The following ADAM22 variants were observed in gnomAD, a reference collection of about 807,000 sequenced individuals.
The protein encoded by ADAM22 is disintegrin and metalloproteinase domain-containing protein 22.
A neutral mutation model predicts 144.6 loss-of-function variants in ADAM22; 65 were observed. That is an observed-to-expected ratio of 0.45 (90% CI 0.37 to 0.55). ADAM22 has a LOEUF of 0.55. ADAM22 is among the 20% of genes least tolerant of loss of function. The pLI is 0.00. For missense variants in ADAM22, 974 were observed against 1,184.9 expected (o/e 0.82, Z 2.61); for synonymous variants, 391 against 412.6 (o/e 0.95, Z 0.63).
At chr7:88,136,828 T>C (rs1226982472) in intron 14 of ADAM22, among the ~76,000 whole-genome samples, 1 of 151,926 alleles carries the variant, frequency 6.6e-6, no homozygotes, top group Non-Finnish European at 1.5e-5. Context: ...AATAAAAAAA[T>C]TTGGAATGTT....
chr7:88,007,912 A>G (rs1364853724), intron 3 of ADAM22, among the ~76,000 whole-genome samples: 1 of 152,210 alleles, frequency 6.6e-6, no homozygotes, highest in East Asian at 1.9e-4. Flanking sequence ...ATCTAATTAA[A>G]CTAAAGAGCT....
At chr7:88,178,872 G>T (rs1446284708) in intron 26 of ADAM22, 63 bp from the exon 27 acceptor site, 4 of 1,000,950 alleles carry the variant, frequency 4.0e-6, no homozygotes, top group Non-Finnish European at 4.4e-6. Context: ...AATAATATTT[G>T]TATATGTCTG....
chr7:88,113,461 A>G (rs1034147500), intron 5 of ADAM22, among the ~76,000 whole-genome samples: 1 of 150,848 alleles, frequency 6.6e-6, no homozygotes, highest in Non-Finnish European at 1.5e-5. Context: ...CATGATCATT[A>G]TAAAACTTAA....
intron 3 of ADAM22, among the ~76,000 whole-genome samples, chr7:88,043,559 C>T (rs922378053): frequency 1.3e-5 from 2 of 151,158 alleles, no homozygotes; most frequent in African/African-American, 4.9e-5. Context: ...AAAATGTATG[C>T]TAGCCAGTCT....
intron 31 of ADAM22, 122 bp downstream of exon 31, chr7:88,193,361 C>A: frequency 8.2e-7 from 1 of 1,223,748 alleles, no homozygotes; most frequent in South Asian, 1.8e-5. Context: ...AAAAATCAAA[C>A]TTGAAAATAA....
At position 87,944,138 on chromosome 7, in the gene ADAM22, AT is replaced by A. The variant is rs113907480; in HGVS notation, c.246+8964del. ...AGTTGGTCAATTTCTATTCTGCTTT[AT>A]TTTTTTTTTTTCAATTTGCCTTTTA... On this transcript the variant is annotated intron_variant, in intron 2 of 31. Coordinates refer to ENST00000413139, the MANE Select transcript of ADAM22 (RefSeq NM_001324418.2). Among the ~76,000 whole-genome samples the A allele has an allele frequency of 5.3e-3, 725 of 137,748 alleles. 3 individuals are homozygous for A. The highest frequency in any genetic ancestry group is 9.7e-3 in the African/African-American group (365 of 37,584). 90.4% of individuals were successfully genotyped at this position (137,748 alleles called of 152,430 possible). A position where few individuals can be genotyped will look rare whatever the true frequency, so the allele number is the denominator to read the frequency against.
chr7:87,971,993 A>G (rs1020478537), intron 2 of ADAM22, among the ~76,000 whole-genome samples: 15 of 152,166 alleles, frequency 9.9e-5, no homozygotes, highest in Non-Finnish European at 2.1e-4. Flanking sequence ...GATCGAGACC[A>G]TCCTGGCTAA....
At chr7:88,113,703 A>ATATATATATATATATATAT (rs1554478728) in intron 5 of ADAM22, among the ~76,000 whole-genome samples, 5 of 48,106 alleles carry the variant, frequency 1.0e-4, no homozygotes, top group African/African-American at 1.6e-4. Flanking sequence ...TAAATAAATA[A>ATATATATATATATATATAT]ATATATATAT....
chr7:88,132,819 A>T, intron 11 of ADAM22, 48 bp from the exon 12 acceptor site: 2 of 1,464,008 alleles, frequency 1.4e-6, no homozygotes, highest in South Asian at 2.3e-5. Flanking sequence ...GGGTGCTATG[A>T]TGTTTGAACT....
At chr7:87,974,962 A>T (rs2129448131) in intron 2 of ADAM22, among the ~76,000 whole-genome samples, 1 of 152,154 alleles carries the variant, frequency 6.6e-6, no homozygotes, top group African/African-American at 2.4e-5. Flanking sequence ...ACTTATAAGG[A>T]CTCATGTAAT....
In ADAM22 at chr7:88,193,193, C is replaced by G; in HGVS notation, c.2828C>G (p.Pro943Arg). Reference protein sequence around the residue: ...ASSRKYPYPMPPLPDEDKKVN... With the variant: ...ASSRKYPYPMRPLPDEDKKVN... ...AGCAGAAAATACCCTTACCCAATGC[C>G]TCCACTTCCTGATGAGGACAAGAAA... The change falls in exon 31 of 32, where the codon CCT becomes CGT. Residue 943 changes from proline to arginine, a missense_variant. Physicochemically the swap from Pro to Arg is moderately radical, Grantham distance 103 (BLOSUM62 -2). This residue lies in a region of ADAM22 where 734 missense variants were observed against 950.6 expected (regional missense o/e 0.77). Transcript: ENST00000413139. 6.2e-7 allele frequency: 1 copy of G among 1,614,112 alleles called. No individual in the cohort carries two copies. The highest frequency in any genetic ancestry group is 8.5e-7 in the Non-Finnish European group (1 of 1,179,968).
chr7:88,036,842 C>A (rs1271010317), intron 3 of ADAM22, among the ~76,000 whole-genome samples: 1 of 151,972 alleles, frequency 6.6e-6, no homozygotes, highest in East Asian at 1.9e-4. Flanking sequence ...TGTAATCTTA[C>A]CATTTGAAGA....
At chr7:88,146,759 G>A (rs1836592497) in intron 17 of ADAM22, among the ~76,000 whole-genome samples, 1 of 152,202 alleles carries the variant, frequency 6.6e-6, no homozygotes, top group Non-Finnish European at 1.5e-5. Flanking sequence ...CACTTAGCCA[G>A]TAAGGAATAG....
In ADAM22 at chr7:88,181,557, A is replaced by G; in HGVS notation, c.2548A>G (p.Ile850Val). ...WSERIPDTKH[I>V]SDICENGRPR... The stretch of plus-strand genomic sequence containing the variant: ...TGAAAGGATTCCAGACACAAAACAT[A>G]TTTCAGACATCTGTGAAAATGGGCG... Residue 850 changes from isoleucine to valine, a missense_variant, in exon 28 of 32, where the codon ATT becomes GTT. Around this residue, in one of 2 missense-constraint regions of ADAM22, gnomAD observed 734 missense variants for 950.6 expected, o/e 0.77. Coordinates refer to ENST00000413139, the MANE Select transcript of ADAM22 (RefSeq NM_001324418.2). The G allele has an allele frequency of 1.9e-6, 3 of 1,613,898 alleles. No homozygotes were observed.
chr7:88,049,285 T>C (rs935048319), intron 3 of ADAM22, among the ~76,000 whole-genome samples: 1 of 152,226 alleles, frequency 6.6e-6, no homozygotes, highest in Non-Finnish European at 1.5e-5. Context: ...TTGAAGTCCA[T>C]GTAGGGTAAA....
chr7:87,948,145 C>T (rs192689846), intron 2 of ADAM22, among the ~76,000 whole-genome samples: 90 of 152,168 alleles, frequency 5.9e-4, no homozygotes, highest in African/African-American at 1.9e-3. Context: ...TTTTCTCATT[C>T]GGTATGACCC....
intron 2 of ADAM22, among the ~76,000 whole-genome samples, chr7:87,956,851 C>A (rs973798723): frequency 6.6e-6 from 1 of 152,130 alleles, no homozygotes; most frequent in African/African-American, 2.4e-5. Context: ...CATTCTTTGG[C>A]TATTTAAAAT....
intron 18 of ADAM22, among the ~76,000 whole-genome samples, chr7:88,150,353 C>T (rs149921122): frequency 6.6e-6 from 1 of 152,168 alleles, no homozygotes; most frequent in African/African-American, 2.4e-5. Flanking sequence ...GACAAAGAGG[C>T]AACATAATTG....
intron 3 of ADAM22, among the ~76,000 whole-genome samples, chr7:88,031,284 A>G (rs1381271749): frequency 6.6e-6 from 1 of 152,208 alleles, no homozygotes; most frequent in Non-Finnish European, 1.5e-5. Flanking sequence ...AAAACTGGGT[A>G]GTGGGCAGAG....
Sources: allele counts gnomAD v4.1 joint callset (sites outside exome capture counted in the v4.1 genomes callset), GRCh38; gene constraint gnomAD v4.1.1; regional missense constraint gnomAD v4.1.1; transcripts MANE v1.5; gene names NCBI Gene and HGNC (gene_info 2026-07-23, HGNC 2026-07-21).